Variants in DMXL2 observed in about 807,000 individuals in gnomAD.
DMXL2 encodes dmX-like protein 2.
Under a neutral mutation model 331.1 loss-of-function variants are expected in DMXL2, and 103 were observed. The observed-to-expected ratio is 0.31, with a 90% CI of 0.27 to 0.37. DMXL2 has a LOEUF of 0.37. DMXL2 is among the 10% of genes least tolerant of loss of function. The pLI is 1.00. For missense variants in DMXL2, 3,171 were observed against 3,642.9 expected, an observed-to-expected ratio of 0.87 and a Z score of 3.33; for synonymous variants, 1,281 against 1,252.1, an observed-to-expected ratio of 1.02 and a Z score of -0.49.
Position 51,455,168 on chromosome 15 carries a change from T to C in DMXL2, c.8587A>G (p.Asn2863Asp), listed in dbSNP as rs1443507102. 1 of 1,614,038 alleles carries C rather than the reference T, an allele frequency of 6.2e-7. No homozygotes were observed. The highest frequency in any genetic ancestry group is 1.7e-5 in the Admixed American group (1 of 60,030). ...SIWQVNQTASNPKPYMSWQCH... is the reference protein window; with the variant it reads ...SIWQVNQTASDPKPYMSWQCH... ...ATACTTACCATATAAGGTTTAGGATTTGATGCAGTTTGGTTAACTTGCCAG... is the reference window on the plus strand; with the variant it reads ...ATACTTACCATATAAGGTTTAGGATCTGATGCAGTTTGGTTAACTTGCCAG... Residue 2863 changes from asparagine to aspartate, a missense_variant, in exon 40 of 44, where the codon AAT (asparagine) becomes GAT (aspartate). Physicochemically the swap from Asn to Asp is conservative, Grantham distance 23. This residue lies in a region of DMXL2 where 766 missense variants were observed against 940.5 expected (regional missense o/e 0.81). Transcript: ENST00000560891.
In DMXL2 at chr15:51,536,650, T is replaced by C; in HGVS notation, c.1830A>G (p.Val610=). 1 of 1,614,132 alleles carries C rather than the reference T, an allele frequency of 6.2e-7. No individual in the cohort carries two copies. Among genetic ancestry groups the C allele is most frequent in the Admixed American group, 1.7e-5 (1 of 59,994 alleles). The change falls in exon 12 of 44, where the codon GTA becomes GTG. Residue 610 remains valine (V), a synonymous_variant. Coordinates refer to ENST00000560891, the MANE Select transcript of DMXL2 (RefSeq NM_001378457.1). Reference sequence around the variant, plus strand: ...CATCTATGTGTTTAGAGATCATCATTACTGTGGGAGCTAAGATGTTCATAT... The same window carrying C: ...CATCTATGTGTTTAGAGATCATCATCACTGTGGGAGCTAAGATGTTCATAT... ...STHMNILAPT[V]MMISKHIDGS...
intron 19 of DMXL2, 106 bp downstream of exon 19, chr15:51,494,918 G>T (rs1049099638): frequency 1.5e-6 from 1 of 666,410 alleles, no homozygotes; most frequent in Non-Finnish European, 2.6e-6. Context: ...CAAGTGATAG[G>T]TGTGCACGTA....
chr15:51,450,061 T>C, intron 43 of DMXL2, 68 bp downstream of exon 43: 1 of 1,373,766 alleles, frequency 7.3e-7, no homozygotes, highest in Non-Finnish European at 1.0e-6. Flanking sequence ...TTTCAAAGAA[T>C]GTGGAGTTTT....
rs149849748 is a variant in DMXL2 at position 51,526,699 on chromosome 15, A to G, written c.2436+8964T>C. On this transcript the variant is annotated intron_variant, in intron 13 of 43. Transcript: ENST00000560891. ...AATTCTATCAGATAAATTTAACAAG[A>G]AATTTAAATAATTAAAAACAATCAA... Among the ~76,000 whole-genome samples, 80 of 152,352 alleles carry G rather than the reference A, an allele frequency of 5.3e-4. No homozygotes were observed. In the East Asian group the frequency reaches 0.015, roughly 29 times the overall value.
intron 1 of DMXL2, among the ~76,000 whole-genome samples, chr15:51,603,313 C>T (rs950881328): frequency 2.0e-5 from 3 of 151,996 alleles, no homozygotes; most frequent in African/African-American, 7.2e-5. Context: ...AACGAAATGC[C>T]ACAAACAACT....
rs2054735193 is a variant in DMXL2, at chr15:51,622,651, C to T, written c.-106G>A. The T allele has an allele frequency of 5.5e-6, 8 of 1,450,796 alleles. No individual in the cohort carries two copies. The East Asian group carries it at 1.6e-4, about 30-fold the overall frequency. 89.9% of individuals were successfully genotyped at this position (1,450,796 alleles called of 1,614,324 possible). ...TTCCCTCTGTGCCTCCCTCGGAAACCCGCCCCGCGGAGGCTCTGGCTTAAC... is the reference window on the plus strand; with the variant it reads ...TTCCCTCTGTGCCTCCCTCGGAAACTCGCCCCGCGGAGGCTCTGGCTTAAC... On this transcript the variant is annotated 5_prime_UTR_variant, in exon 1 of 44. Coordinates refer to ENST00000560891, the MANE Select transcript of DMXL2 (RefSeq NM_001378457.1).
At chr15:51,613,452 C>T (rs1277807420) in intron 1 of DMXL2, among the ~76,000 whole-genome samples, 1 of 152,202 alleles carries the variant, frequency 6.6e-6, no homozygotes, top group Admixed American at 6.5e-5. Context: ...TAACAACATA[C>T]ACCAAGTCCT....
chr15:51,499,906 T>C lies in DMXL2; in HGVS notation c.3318A>G (p.Ile1106Met), dbSNP rs1194057761. 6.2e-7 allele frequency: 1 copy of C among 1,614,134 alleles called. No individual in the cohort carries two copies. The highest frequency in any genetic ancestry group is 8.5e-7 in the Non-Finnish European group (1 of 1,180,008). ...VSKEFSMHVCIFECESTGGSE... is the reference protein window; with the variant it reads ...VSKEFSMHVCMFECESTGGSE... ...ATCCTCCTGTAGATTCACATTCAAA[T>C]ATACAAACATGCATGGAAAATTCTT... is the stretch of plus-strand genomic sequence containing the variant. Residue 1106 changes from isoleucine (I) to methionine (M), a missense_variant, in exon 18 of 44, where the codon ATA (isoleucine) becomes ATG (methionine). Transcript: ENST00000560891.
chr15:51,454,273 C>G (rs1287594013), intron 40 of DMXL2: 1 of 152,156 alleles, frequency 6.6e-6, no homozygotes, highest in Admixed American at 6.5e-5. Context: ...CGTTCTGAAC[C>G]TCCCTCCATA....
intron 33 of DMXL2, chr15:51,459,883 C>A: frequency 8.8e-7 from 1 of 1,132,016 alleles, no homozygotes; most frequent in South Asian, 2.0e-5. Flanking sequence ...AACACAAGAA[C>A]ATAAAAGCTA....
At chr15:51,464,978 A>G in intron 31 of DMXL2, 102 bp from the exon 32 acceptor site, 1 of 1,053,142 alleles carries the variant, frequency 9.5e-7, no homozygotes, top group South Asian at 1.7e-5. Flanking sequence ...TTCTGAAAAT[A>G]CAAATAAATC....
chr15:51,525,498 T>A (rs970073825), intron 13 of DMXL2, among the ~76,000 whole-genome samples: 1 of 151,726 alleles, frequency 6.6e-6, no homozygotes, highest in Non-Finnish European at 1.5e-5. Flanking sequence ...GCTCTTGGAG[T>A]CCCCAGTTCT....
chr15:51,583,108 T>TTTTTTTTTTTTC (rs2051567326), intron 1 of DMXL2, among the ~76,000 whole-genome samples: 3 of 96,170 alleles, frequency 3.1e-5, no homozygotes, highest in East Asian at 3.9e-4. Flanking sequence ...TCATTCTTCT[T>TTTTTTTTTTTTC]TTTTTTTTTT....
intron 40 of DMXL2, among the ~76,000 whole-genome samples, chr15:51,454,822 A>AGAGC (rs1298415380): frequency 1.1e-4 from 17 of 152,192 alleles, no homozygotes; most frequent in African/African-American, 4.1e-4. Flanking sequence ...ACAGAATTTT[A>AGAGC]TCATGTGTAT....
intron 11 of DMXL2, among the ~76,000 whole-genome samples, chr15:51,537,225 A>G (rs2048336979): frequency 6.6e-6 from 1 of 152,176 alleles, no homozygotes; most frequent in African/African-American, 2.4e-5. Context: ...CTTATTCAAA[A>G]TATTATTAAT....
At position 51,474,599 on chromosome 15, in the gene DMXL2, G is replaced by A. The variant is rs73399542; in HGVS notation, c.6965-7C>T. 1.3e-4 allele frequency: 201 copies of A among 1,588,564 alleles called. No individual in the cohort carries two copies. The African/African-American group carries it at 2.2e-3, about 17-fold the overall frequency. ...TTAATAAGTGAGCTCACACCTATAA[G>A]GGTATATAAAATCATAAGACGTATG... On this transcript the variant is annotated splice_polypyrimidine_tract_variant and splice_region_variant and intron_variant, in intron 27 of 43. Transcript: ENST00000560891.
At chr15:51,526,605 C>G (rs2047692078) in intron 13 of DMXL2, among the ~76,000 whole-genome samples, 1 of 152,158 alleles carries the variant, frequency 6.6e-6, no homozygotes, top group Non-Finnish European at 1.5e-5. Flanking sequence ...GACCTCCAGA[C>G]AGAGAATTCA....
intron 15 of DMXL2, among the ~76,000 whole-genome samples, chr15:51,510,462 A>G (rs1012205544): frequency 6.6e-6 from 1 of 152,208 alleles, no homozygotes; most frequent in Non-Finnish European, 1.5e-5. Context: ...AATTGCTACA[A>G]TGAGAATAAA....
At chr15:51,525,623 C>G (rs1478763853) in intron 13 of DMXL2, among the ~76,000 whole-genome samples, 1 of 152,050 alleles carries the variant, frequency 6.6e-6, no homozygotes, top group Non-Finnish European at 1.5e-5. Flanking sequence ...CCAAAGAGCT[C>G]CTGATCCTTA....
Sources: allele counts gnomAD v4.1 joint callset (sites outside exome capture counted in the v4.1 genomes callset), GRCh38; gene constraint gnomAD v4.1.1; regional missense constraint gnomAD v4.1.1; transcripts MANE v1.5; gene names NCBI Gene and HGNC (gene_info 2026-07-23, HGNC 2026-07-21).